The following UGGT2 variants were observed in gnomAD, a reference collection of about 807,000 sequenced individuals.
The protein encoded by UGGT2 is UDP-glucose glycoprotein glucosyltransferase 2.
UGGT2 carries 180 observed loss-of-function variants against 192.1 expected under a neutral mutation model. The observed-to-expected ratio is 0.94, with a 90% confidence interval of 0.83 to 1.06. UGGT2 has a LOEUF of 1.06. Among genes scored for constraint, UGGT2 ranks in the 50% least tolerant of loss-of-function variants. UGGT2 has a pLI of 0.00. For synonymous variants in UGGT2, 580 were observed against 591.0 expected, an observed-to-expected ratio of 0.98 and a Z score of 0.27; for missense variants, 1,849 against 1,795.7, an observed-to-expected ratio of 1.03 and a Z score of -0.54.
chr13:96,006,922 G>A (rs1178713330), intron 5 of UGGT2, among the ~76,000 whole-genome samples: 1 of 152,012 alleles, frequency 6.6e-6, no homozygotes, highest in Non-Finnish European at 1.5e-5. Flanking sequence ...GAAGAGGAGA[G>A]AACACCTCCA....
intron 36 of UGGT2, among the ~76,000 whole-genome samples, chr13:95,848,532 A>G (rs924947483): frequency 6.6e-6 from 1 of 152,106 alleles, no homozygotes. Flanking sequence ...TTCCAGTGAC[A>G]TTTGTTGAAA....
intron 1 of UGGT2, among the ~76,000 whole-genome samples, chr13:96,039,556 C>T (rs1360906639): frequency 1.3e-5 from 2 of 152,178 alleles, no homozygotes; most frequent in Non-Finnish European, 2.9e-5. Flanking sequence ...CACTGAGTTT[C>T]CTAGTTGTAA....
chr13:95,982,068 A>G (rs780307100), intron 10 of UGGT2, among the ~76,000 whole-genome samples: 4 of 152,210 alleles, frequency 2.6e-5, no homozygotes, highest in Non-Finnish European at 4.4e-5. Context: ...AGCTCATTTC[A>G]AAACTCTTTC....
Position 95,894,627 on chromosome 13 carries a change from G to A in UGGT2, c.2790C>T (p.Ala930=). ...NMSDFIMKVD[A]LMSSVPKRAS... is the part of the protein sequence containing the mutation. The stretch of plus-strand genomic sequence containing the variant: ...CACGCTTAGGCACAGAGGACATAAG[G>A]GCATCAACTTTCATAATAAAGTCAC... The change falls in exon 24 of 39, where the codon GCC becomes GCT. Residue 930 remains alanine, a synonymous_variant. Coordinates refer to ENST00000376747, the MANE Select transcript of UGGT2 (RefSeq NM_020121.4). 6.2e-7 allele frequency: 1 copy of A among 1,610,468 alleles called. No individual in the cohort carries two copies.
chr13:95,899,907 T>C (rs959783765), intron 22 of UGGT2, among the ~76,000 whole-genome samples: 10 of 152,084 alleles, frequency 6.6e-5, no homozygotes, highest in Admixed American at 6.6e-4. Context: ...AATTCAAAAG[T>C]AAGTGAAAAA....
At chr13:95,977,897 A>G (rs1387466670) in intron 10 of UGGT2, among the ~76,000 whole-genome samples, 1 of 152,174 alleles carries the variant, frequency 6.6e-6, no homozygotes, top group African/African-American at 2.4e-5. Flanking sequence ...TTGCAGGGAC[A>G]TGGATGAAGC....
chr13:95,902,702 T>G, intron 21 of UGGT2, 152 bp downstream of exon 21: 5 of 745,342 alleles, frequency 6.7e-6, no homozygotes, highest in Non-Finnish European at 1.1e-5. Flanking sequence ...GTCATATCAT[T>G]TAATGTTTAT....
intron 38 of UGGT2, among the ~76,000 whole-genome samples, chr13:95,813,422 T>G (rs1884672180): frequency 6.6e-6 from 1 of 152,182 alleles, no homozygotes; most frequent in Non-Finnish European, 1.5e-5. Context: ...AAGTTTGACT[T>G]CAAAGCGATG....
At chr13:96,033,596 G>A (rs888490210) in intron 1 of UGGT2, among the ~76,000 whole-genome samples, 1 of 152,294 alleles carries the variant, frequency 6.6e-6, no homozygotes. Context: ...AAAGCCCCCT[G>A]TCCCAACACA....
At chr13:95,828,484 A>G (rs1366331488) in intron 38 of UGGT2, among the ~76,000 whole-genome samples, 1 of 152,192 alleles carries the variant, frequency 6.6e-6, no homozygotes, top group Non-Finnish European at 1.5e-5. Context: ...GATAAAGGGG[A>G]TATCACCACT....
At chr13:95,892,822 A>C (rs893836478) in intron 24 of UGGT2, among the ~76,000 whole-genome samples, 1 of 152,138 alleles carries the variant, frequency 6.6e-6, no homozygotes, top group Non-Finnish European at 1.5e-5. Context: ...TAAACTGGAA[A>C]ACTTAGAGCC....
In UGGT2 at chr13:95,940,057, A is replaced by C. The variant is rs756532917; in HGVS notation, c.1712T>G (p.Leu571Arg). 1.1e-5 allele frequency: 17 copies of C among 1,560,468 alleles called. No homozygotes were observed. The highest frequency in any genetic ancestry group is 1.5e-5 in the Non-Finnish European group (17 of 1,152,110). The part of the protein sequence containing the change: ...YQKVKKDQNI[L>R]TVDNVKSVLQ... ...AACACTCTTCACATTGTCCACAGTG[A>C]GTATATTTTGATCCTTCTTCACTTT... The change falls in exon 16 of 39, where the codon CTC becomes CGC. Residue 571 changes from leucine to arginine, a missense_variant. Transcript: ENST00000376747.
intron 15 of UGGT2, among the ~76,000 whole-genome samples, chr13:95,940,546 C>T: frequency 6.6e-6 from 1 of 151,000 alleles, no homozygotes; most frequent in Admixed American, 6.6e-5. Flanking sequence ...TTCAACCTCC[C>T]AGCTCAAGCA....
chr13:95,982,553 T>C (rs2051160437), intron 10 of UGGT2, among the ~76,000 whole-genome samples: 2 of 152,142 alleles, frequency 1.3e-5, no homozygotes, highest in Admixed American at 1.3e-4. Flanking sequence ...GTGGGCCCTA[T>C]GTAAATCAGA....
chr13:95,981,124 A>G (rs2051110348), intron 10 of UGGT2, among the ~76,000 whole-genome samples: 1 of 152,156 alleles, frequency 6.6e-6, no homozygotes, highest in African/African-American at 2.4e-5. Flanking sequence ...TCCTTAAGTA[A>G]AGCCAGGAGC....
chr13:95,896,149 G>C (rs1037617389), intron 22 of UGGT2, among the ~76,000 whole-genome samples: 5 of 152,032 alleles, frequency 3.3e-5, no homozygotes, highest in African/African-American at 1.2e-4. Flanking sequence ...ACGTCAACCA[G>C]ATTATTTTTT....
At chr13:95,936,323 C>T (rs753005993) in intron 17 of UGGT2, among the ~76,000 whole-genome samples, 10 of 152,220 alleles carry the variant, frequency 6.6e-5, no homozygotes, top group Non-Finnish European at 5.9e-5. Context: ...GTTTGACCTA[C>T]AAGCTAGTAG....
At position 95,937,105 on chromosome 13, in the gene UGGT2, T is replaced by C. The variant is rs747541952; in HGVS notation, c.1813-17A>G. On this transcript the variant is annotated splice_polypyrimidine_tract_variant and intron_variant, in intron 16 of 38. Coordinates refer to ENST00000376747, the MANE Select transcript of UGGT2 (RefSeq NM_020121.4). Reference sequence around the variant, plus strand: ...TGCTCCAGCCTATTCAGTTAAAAAATATCAGAGTGTTAAACAAAATATGAT... The same window carrying C: ...TGCTCCAGCCTATTCAGTTAAAAAACATCAGAGTGTTAAACAAAATATGAT... The C allele has an allele frequency of 5.1e-6, 8 of 1,572,094 alleles. No homozygotes were observed. In the South Asian group the frequency reaches 7.4e-5, roughly 14 times the overall value.
At chr13:95,947,312 T>A (rs1237319331) in intron 14 of UGGT2, 140 bp from the exon 15 acceptor site, 3 of 887,030 alleles carry the variant, frequency 3.4e-6, no homozygotes, top group Non-Finnish European at 4.9e-6. Flanking sequence ...TTTTATCACT[T>A]CAAAAGTTTG....
Sources: allele counts gnomAD v4.1 joint callset (sites outside exome capture counted in the v4.1 genomes callset), GRCh38; gene constraint gnomAD v4.1.1; transcripts MANE v1.5; gene names NCBI Gene and HGNC (gene_info 2026-07-23, HGNC 2026-07-21).